Variants in FBXW7 observed in about 807,000 individuals in gnomAD.
FBXW7 encodes the protein F-box/WD repeat-containing protein 7.
A neutral mutation model predicts 86.3 loss-of-function variants in FBXW7; 11 were observed. The observed-to-expected ratio is 0.13, with a 90% confidence interval of 0.08 to 0.21. The LOEUF (loss-of-function observed/expected upper bound fraction) is 0.21, where lower values mean the gene tolerates loss of function less well. FBXW7 is among the 10% of genes least tolerant of loss of function. The pLI is 1.00. For missense variants in FBXW7, 488 were observed against 847.4 expected (o/e 0.58, Z 5.27); for synonymous variants, 313 against 297.9 (o/e 1.05, Z -0.52).
In FBXW7 at chr4:152,491,599, G is replaced by C. The variant is rs1357115764; in HGVS notation, c.-120+43342C>G. Among the ~76,000 whole-genome samples the C allele has an allele frequency of 2.6e-5, 4 of 152,134 alleles. No homozygotes were observed. In the East Asian group the frequency reaches 7.7e-4, roughly 29 times the overall value. On this transcript the variant is annotated intron_variant, in intron 2 of 13. Coordinates refer to ENST00000281708, the MANE Select transcript of FBXW7 (RefSeq NM_001349798.2). ...GATAGTGGCTGGTGGGGAGAAAGGA[G>C]TGCTGAATCAGGGTACGATTCACAG...
chr4:152,423,175 C>A (rs1739094047), intron 2 of FBXW7, among the ~76,000 whole-genome samples: 1 of 152,128 alleles, frequency 6.6e-6, no homozygotes, highest in Non-Finnish European at 1.5e-5. Context: ...ATATTCATTG[C>A]CTCCATCCAT....
chr4:152,410,340 G>GT (rs1737832199), intron 4 of FBXW7, among the ~76,000 whole-genome samples: 1 of 152,154 alleles, frequency 6.6e-6, no homozygotes, highest in South Asian at 2.1e-4. Flanking sequence ...CCTTAACAAA[G>GT]TGGTGCTATA....
At chr4:152,491,079 G>A (rs1745801639) in intron 2 of FBXW7, among the ~76,000 whole-genome samples, 1 of 152,126 alleles carries the variant, frequency 6.6e-6, no homozygotes, top group Non-Finnish European at 1.5e-5. Flanking sequence ...AAGGGCATTT[G>A]AGAACCAACT....
chr4:152,340,662 T>C (rs1359643289), intron 6 of FBXW7, among the ~76,000 whole-genome samples: 1 of 151,504 alleles, frequency 6.6e-6, no homozygotes, highest in African/African-American at 2.4e-5. Flanking sequence ...ACTACACATA[T>C]TCAACTGTCC....
At chr4:152,533,788 A>T (rs930126800) in intron 2 of FBXW7, among the ~76,000 whole-genome samples, 8 of 152,058 alleles carry the variant, frequency 5.3e-5, no homozygotes, top group Non-Finnish European at 1.0e-4. Flanking sequence ...TCATTACTTT[A>T]AAAAAAAGGA....
At chr4:152,472,167 C>CA (rs1744024442) in intron 2 of FBXW7, among the ~76,000 whole-genome samples, 1 of 152,060 alleles carries the variant, frequency 6.6e-6, no homozygotes, top group African/African-American at 2.4e-5. Flanking sequence ...AAATCTGTAG[C>CA]AACTGACATT....
At chr4:152,394,941 G>C (rs1268105351) in intron 4 of FBXW7, among the ~76,000 whole-genome samples, 2 of 152,070 alleles carry the variant, frequency 1.3e-5, no homozygotes, top group Non-Finnish European at 2.9e-5. Flanking sequence ...GAGAATTAAT[G>C]CATTTGTTAT....
At chr4:152,366,520 C>A (rs1733490489) in intron 4 of FBXW7, among the ~76,000 whole-genome samples, 2 of 152,004 alleles carry the variant, frequency 1.3e-5, no homozygotes, top group Non-Finnish European at 2.9e-5. Flanking sequence ...TTCTGAGTTG[C>A]CAAAAGTGTT....
chr4:152,478,508 A>G (rs1225339629), intron 2 of FBXW7, among the ~76,000 whole-genome samples: 3 of 152,134 alleles, frequency 2.0e-5, no homozygotes, highest in Admixed American at 2.0e-4. Flanking sequence ...TAGTATGAGT[A>G]ATGCTGCTAT....
chr4:152,391,140 T>C (rs1735961236), intron 4 of FBXW7, among the ~76,000 whole-genome samples: 2 of 152,084 alleles, frequency 1.3e-5, no homozygotes, highest in East Asian at 1.9e-4. Flanking sequence ...AGTAATGTGC[T>C]ATGCAAGTAT....
chr4:152,416,707 G>A (rs896484587), intron 2 of FBXW7, among the ~76,000 whole-genome samples: 3 of 152,112 alleles, frequency 2.0e-5, no homozygotes, highest in Admixed American at 2.0e-4. Flanking sequence ...AAGTTTTATG[G>A]ATGTACACTG....
At chr4:152,323,685 AT>A (rs575734364) in intron 13 of FBXW7, 3 of 168,790 alleles carry the variant, frequency 1.8e-5, no homozygotes, top group South Asian at 2.9e-4. Flanking sequence ...GCTGTACCTC[AT>A]CTAATATTAG....
chr4:152,361,922 C>A (rs1732986240), intron 4 of FBXW7, among the ~76,000 whole-genome samples: 1 of 127,742 alleles, frequency 7.8e-6, no homozygotes, highest in African/African-American at 3.0e-5. Flanking sequence ...GCCGAGATTG[C>A]AACACTGCAC....
intron 2 of FBXW7, among the ~76,000 whole-genome samples, chr4:152,439,449 G>C (rs567486732): frequency 6.6e-6 from 1 of 152,096 alleles, no homozygotes; most frequent in East Asian, 1.9e-4. Flanking sequence ...TTACTACAGA[G>C]ATTACAAGTT....
At chr4:152,463,172 C>T (rs1247756444) in intron 2 of FBXW7, among the ~76,000 whole-genome samples, 3 of 151,674 alleles carry the variant, frequency 2.0e-5, no homozygotes, top group African/African-American at 7.3e-5. Flanking sequence ...CCTGTAATCC[C>T]AGCTACTTGG....
At chr4:152,518,918 T>C (rs749301429) in intron 2 of FBXW7, among the ~76,000 whole-genome samples, 2 of 152,184 alleles carry the variant, frequency 1.3e-5, no homozygotes, top group African/African-American at 2.4e-5. Flanking sequence ...GGGTAGGGAA[T>C]AGTTCTACAA....
At chr4:152,527,860 T>TTATA (rs147593266) in intron 2 of FBXW7, among the ~76,000 whole-genome samples, 39 of 114,794 alleles carry the variant, frequency 3.4e-4, no homozygotes, top group African/African-American at 7.9e-4. Context: ...AATTTAAAAA[T>TTATA]TATATACACA....
At chr4:152,519,884 T>A (rs1748845592) in intron 2 of FBXW7, among the ~76,000 whole-genome samples, 2 of 152,190 alleles carry the variant, frequency 1.3e-5, no homozygotes, top group African/African-American at 4.8e-5. Context: ...AAGTCAAAAT[T>A]CCGATGTGTT....
intron 4 of FBXW7, among the ~76,000 whole-genome samples, chr4:152,392,822 A>C (rs1736108970): frequency 6.6e-6 from 1 of 152,196 alleles, no homozygotes. Flanking sequence ...GAGGATGGCA[A>C]AATTTTGGGT....
Sources: gnomAD v4.1 joint callset for allele counts (sites outside exome capture counted in the v4.1 genomes callset) on GRCh38, gnomAD v4.1.1 for gene constraint, MANE v1.5 for transcripts, NCBI Gene and HGNC (gene_info 2026-07-23, HGNC 2026-07-21) for gene names.